Variants in SERPINI1 observed in about 807,000 individuals in gnomAD.
SERPINI1 encodes the protein serpin family I member 1, also known as neuroserpin.
A neutral mutation model predicts 41.1 loss-of-function variants in SERPINI1; 19 were observed. That is an observed-to-expected ratio of 0.46 (90% CI 0.32 to 0.68). The LOEUF (loss-of-function observed/expected upper bound fraction) is 0.68. Among genes scored for constraint, SERPINI1 ranks in the 30% least tolerant of loss-of-function variants. The pLI is 0.03. For synonymous variants in SERPINI1, 138 were observed against 156.6 expected (o/e 0.88, Z 0.89); for missense variants, 460 against 479.2 (o/e 0.96, Z 0.37).
intron 1 of SERPINI1, among the ~76,000 whole-genome samples, chr3:167,774,842 C>A (rs973585356): frequency 1.3e-5 from 2 of 152,126 alleles, no homozygotes; most frequent in African/African-American, 4.8e-5. Flanking sequence ...AGGTTGGGGG[C>A]CACTGTTATA....
chr3:167,774,189 C>G (rs910805857), intron 1 of SERPINI1, among the ~76,000 whole-genome samples: 1 of 152,134 alleles, frequency 6.6e-6, no homozygotes, highest in African/African-American at 2.4e-5. Context: ...CAGCTTGGGA[C>G]ACAGCTAATG....
intron 1 of SERPINI1, among the ~76,000 whole-genome samples, chr3:167,744,691 C>A (rs529728736): frequency 2.4e-5 from 3 of 124,024 alleles, no homozygotes; most frequent in South Asian, 2.3e-4. Context: ...TATATATAAA[C>A]ATATATAAAT....
intron 1 of SERPINI1, among the ~76,000 whole-genome samples, chr3:167,788,796 T>C (rs1457226645): frequency 6.6e-6 from 1 of 152,256 alleles, no homozygotes; most frequent in Non-Finnish European, 1.5e-5. Context: ...CTATGTAGTT[T>C]AGTGAAAGCT....
chr3:167,739,480 G>T (rs914921570), intron 1 of SERPINI1, among the ~76,000 whole-genome samples: 2 of 152,148 alleles, frequency 1.3e-5, no homozygotes, highest in Non-Finnish European at 2.9e-5. Context: ...CACTGTGTGC[G>T]CTGCAAATAC....
intron 1 of SERPINI1, among the ~76,000 whole-genome samples, chr3:167,776,547 T>G (rs1726974747): frequency 6.6e-6 from 1 of 152,208 alleles, no homozygotes; most frequent in Non-Finnish European, 1.5e-5. Flanking sequence ...GACACATGTT[T>G]TGTGGGATTA....
chr3:167,781,703 A>G (rs1727132202), intron 1 of SERPINI1, among the ~76,000 whole-genome samples: 1 of 146,878 alleles, frequency 6.8e-6, no homozygotes, highest in South Asian at 2.1e-4. Context: ...CAGCTACCAA[A>G]GGACACTTCT....
chr3:167,788,385 G>A (rs1035097217), intron 1 of SERPINI1, among the ~76,000 whole-genome samples: 1 of 152,194 alleles, frequency 6.6e-6, no homozygotes, highest in Non-Finnish European at 1.5e-5. Context: ...TTTGTTTGGT[G>A]TAAGCTGAAA....
At chr3:167,799,194 G>A (rs1727812187) in intron 5 of SERPINI1, among the ~76,000 whole-genome samples, 1 of 151,832 alleles carries the variant, frequency 6.6e-6, no homozygotes, top group Admixed American at 6.6e-5. Context: ...CCTCCCCAAG[G>A]CCCCAACCCT....
Position 167,757,204 on chromosome 3 carries a change from T to C in SERPINI1, c.-19+21381T>C, listed in dbSNP as rs80341361. ...TTTACTGATGAAGCCTAGAGCTTTTTCTAAGACCAGCTTTTGAAAGGACCT... is the reference window on the plus strand; with the variant it reads ...TTTACTGATGAAGCCTAGAGCTTTTCCTAAGACCAGCTTTTGAAAGGACCT... On this transcript the variant is annotated intron_variant, in intron 1 of 8. Coordinates refer to ENST00000446050, the MANE Select transcript of SERPINI1 (RefSeq NM_001122752.2). 6.2e-3 allele frequency among the ~76,000 whole-genome samples: 947 copies of C among 152,328 alleles called. 7 individuals are homozygous for C. The highest frequency in any genetic ancestry group is 0.048 in the Middle Eastern group (14 of 294).
intron 1 of SERPINI1, among the ~76,000 whole-genome samples, chr3:167,741,966 A>T (rs1404194401): frequency 6.6e-6 from 1 of 152,164 alleles, no homozygotes; most frequent in Non-Finnish European, 1.5e-5. Context: ...TATATTAACT[A>T]AATCTAAGGC....
chr3:167,820,992 G>T lies in SERPINI1; in HGVS notation c.980-1994G>T, dbSNP rs376834556. Among the ~76,000 whole-genome samples, 5 of 152,270 alleles carry T rather than the reference G, an allele frequency of 3.3e-5. No homozygotes were observed. In the East Asian group the frequency reaches 9.7e-4, roughly 30 times the overall value. On this transcript the variant is annotated intron_variant, in intron 6 of 8. Coordinates refer to ENST00000446050, the MANE Select transcript of SERPINI1 (RefSeq NM_001122752.2). Reference sequence around the variant, plus strand: ...TGACAGGATGACCTGCCTGCAGAGAGGAGCTACCCACTGTGGGTCTCCTCT... The same window carrying T: ...TGACAGGATGACCTGCCTGCAGAGATGAGCTACCCACTGTGGGTCTCCTCT...
At chr3:167,780,951 TTGTC>T (rs903242153) in intron 1 of SERPINI1, among the ~76,000 whole-genome samples, 25 of 152,280 alleles carry the variant, frequency 1.6e-4, no homozygotes, top group African/African-American at 6.0e-4. Context: ...TAACACATAA[TTGTC>T]TGTGTGATGA....
At chr3:167,819,403 C>T (rs1712234011) in intron 6 of SERPINI1, among the ~76,000 whole-genome samples, 1 of 152,128 alleles carries the variant, frequency 6.6e-6, no homozygotes, top group South Asian at 2.1e-4. Context: ...AAACACTACT[C>T]TTTTGGATTT....
chr3:167,772,864 C>CTATATATATATATATATATA (rs1161668820), intron 1 of SERPINI1, among the ~76,000 whole-genome samples: 9 of 24,656 alleles, frequency 3.7e-4, no homozygotes, highest in Admixed American at 6.3e-4. Context: ...CTCTCTCTCT[C>CTATATATATATATATATATA]TATATATATA....
intron 6 of SERPINI1, among the ~76,000 whole-genome samples, chr3:167,816,429 A>T (rs1020410272): frequency 4.6e-5 from 7 of 152,214 alleles, no homozygotes; most frequent in Non-Finnish European, 1.0e-4. Flanking sequence ...AAGACTTTAT[A>T]TACCCAAAGT....
intron 7 of SERPINI1, 124 bp downstream of exon 7, chr3:167,823,196 A>C: frequency 1.3e-6 from 1 of 748,506 alleles, no homozygotes; most frequent in Non-Finnish European, 2.4e-6. Flanking sequence ...TTAGAAGTCA[A>C]GCAAATGCTG....
Position 167,790,294 on chromosome 3 carries a change from G to T in SERPINI1, c.251-78G>T, listed in dbSNP as rs540853259. The T allele has an allele frequency of 4.6e-6, 5 of 1,086,334 alleles. No individual in the cohort carries two copies. In the East Asian group the frequency reaches 1.2e-4, roughly 26 times the overall value. 67.3% of individuals were successfully genotyped at this position (1,086,334 alleles called of 1,614,324 possible). A position where few individuals can be genotyped will look rare whatever the true frequency, so the allele number is the denominator to read the frequency against. ...CTGTTTGGTTAATCTCCCTTGCTGTGCTTTAATGCTCCTCCACTCTCCTTG... is the reference window on the plus strand; with the variant it reads ...CTGTTTGGTTAATCTCCCTTGCTGTTCTTTAATGCTCCTCCACTCTCCTTG... On this transcript the variant is annotated intron_variant, in intron 2 of 8. Transcript: ENST00000446050.
chr3:167,806,671 G>A (rs934013527), intron 5 of SERPINI1, among the ~76,000 whole-genome samples: 4 of 152,056 alleles, frequency 2.6e-5, no homozygotes, highest in Non-Finnish European at 2.9e-5. Context: ...TCTCTGAGTT[G>A]TAGGGAGCTG....
intron 2 of SERPINI1, among the ~76,000 whole-genome samples, chr3:167,789,734 G>A (rs1481849426): frequency 1.3e-5 from 2 of 152,136 alleles, no homozygotes; most frequent in African/African-American, 4.8e-5. Context: ...AAGAAAGACA[G>A]CATGGTTTGC....
Sources: gnomAD v4.1 joint callset for allele counts (sites outside exome capture counted in the v4.1 genomes callset) on GRCh38, gnomAD v4.1.1 for gene constraint, MANE v1.5 for transcripts, NCBI Gene and HGNC (gene_info 2026-07-23, HGNC 2026-07-21) for gene names.